The following SLC25A21 variants were observed in gnomAD, a reference collection of about 807,000 sequenced individuals.
The protein encoded by SLC25A21 is solute carrier family 25 member 21.
SLC25A21 carries 47 observed loss-of-function variants against 43.8 expected under a neutral mutation model. The ratio of observed to expected loss-of-function variants is 1.07; its 90% confidence interval spans 0.85 to 1.37. The LOEUF (loss-of-function observed/expected upper bound fraction) is 1.37, where lower values mean the gene tolerates loss of function less well. Ranked by LOEUF, SLC25A21 falls within the 40% of genes most tolerant of loss-of-function variation. The pLI is 0.00. For missense variants in SLC25A21, 352 were observed against 350.2 expected (o/e 1.00, Z -0.04); for synonymous variants, 131 against 121.3 (o/e 1.08, Z -0.52).
At chr14:37,099,239 A>C (rs1431369262) in intron 1 of SLC25A21, among the ~76,000 whole-genome samples, 1 of 152,048 alleles carries the variant, frequency 6.6e-6, no homozygotes, top group Admixed American at 6.6e-5. Context: ...CCCAGGGAGC[A>C]TTTCTCAGCC....
intron 2 of SLC25A21, among the ~76,000 whole-genome samples, chr14:36,857,421 A>G (rs1186832579): frequency 6.6e-6 from 1 of 152,184 alleles, no homozygotes; most frequent in Non-Finnish European, 1.5e-5. Flanking sequence ...ATTTGTTTTT[A>G]TGAGCTCTCA....
intron 1 of SLC25A21, among the ~76,000 whole-genome samples, chr14:36,925,290 T>C (rs1017567515): frequency 1.4e-4 from 22 of 152,260 alleles, no homozygotes; most frequent in African/African-American, 4.6e-4. Context: ...ATGGCAGTGG[T>C]TGTCCAATTA....
intron 1 of SLC25A21, among the ~76,000 whole-genome samples, chr14:37,156,023 G>C (rs1339568719): frequency 1.3e-5 from 2 of 152,018 alleles, no homozygotes; most frequent in African/African-American, 4.8e-5. Context: ...GCTGAGCATG[G>C]TGGTGCATGT....
At chr14:36,990,355 C>T (rs1467053574) in intron 1 of SLC25A21, among the ~76,000 whole-genome samples, 3 of 152,124 alleles carry the variant, frequency 2.0e-5, no homozygotes, top group African/African-American at 7.2e-5. Context: ...TGCAGATATT[C>T]ATTGATTACA....
intron 2 of SLC25A21, among the ~76,000 whole-genome samples, chr14:36,846,298 T>A (rs2138507382): frequency 6.6e-6 from 1 of 152,294 alleles, no homozygotes; most frequent in South Asian, 2.1e-4. Flanking sequence ...CGTATTGATA[T>A]CCCTGATCCA....
intron 7 of SLC25A21, among the ~76,000 whole-genome samples, chr14:36,708,349 T>C (rs1883666516): frequency 1.3e-5 from 2 of 152,360 alleles, no homozygotes; most frequent in Admixed American, 6.5e-5. Flanking sequence ...ATAATCTAGA[T>C]GTGGGAAGTG....
chr14:36,694,374 T>C (rs1170341699), intron 7 of SLC25A21, among the ~76,000 whole-genome samples: 2 of 152,166 alleles, frequency 1.3e-5, no homozygotes, highest in East Asian at 1.9e-4. Flanking sequence ...AATAAACATA[T>C]GTGTGCATGT....
intron 1 of SLC25A21, among the ~76,000 whole-genome samples, chr14:37,121,256 T>G (rs1187982153): frequency 6.6e-6 from 1 of 152,168 alleles, no homozygotes; most frequent in African/African-American, 2.4e-5. Context: ...TACATCCAGT[T>G]ATTTGGTCCT....
chr14:37,124,352 A>T (rs1351230407), intron 1 of SLC25A21, among the ~76,000 whole-genome samples: 3 of 152,144 alleles, frequency 2.0e-5, no homozygotes, highest in African/African-American at 7.2e-5. Flanking sequence ...TAAACAGAAT[A>T]TTCTATTTCA....
chr14:36,731,215 C>A (rs1248027787), intron 4 of SLC25A21, among the ~76,000 whole-genome samples: 1 of 152,126 alleles, frequency 6.6e-6, no homozygotes. Context: ...CCTCGTGATC[C>A]GACCGCCTCG....
chr14:36,830,485 G>T (rs1332279708), intron 2 of SLC25A21, among the ~76,000 whole-genome samples: 1 of 151,200 alleles, frequency 6.6e-6, no homozygotes, highest in Non-Finnish European at 1.5e-5. Context: ...TCTAATTATT[G>T]TTTCCTACTA....
intron 1 of SLC25A21, among the ~76,000 whole-genome samples, chr14:37,118,026 C>T (rs1278975712): frequency 6.6e-6 from 1 of 151,820 alleles, no homozygotes; most frequent in East Asian, 1.9e-4. Flanking sequence ...TGATAATAGC[C>T]CTCCCCAGAA....
At chr14:37,047,266 G>A (rs1186092433) in intron 1 of SLC25A21, among the ~76,000 whole-genome samples, 1 of 152,190 alleles carries the variant, frequency 6.6e-6, no homozygotes, top group East Asian at 1.9e-4. Flanking sequence ...TGGACTGGGT[G>A]TCAAGTCCAG....
intron 1 of SLC25A21, among the ~76,000 whole-genome samples, chr14:36,921,602 C>T (rs1490613491): frequency 6.6e-6 from 1 of 152,018 alleles, no homozygotes; most frequent in Non-Finnish European, 1.5e-5. Flanking sequence ...AGTATGATTC[C>T]ATTTCAATAA....
At chr14:37,110,469 A>T (rs1001206279) in intron 1 of SLC25A21, among the ~76,000 whole-genome samples, 1 of 152,192 alleles carries the variant, frequency 6.6e-6, no homozygotes, top group Admixed American at 6.6e-5. Context: ...GAATCTTTGT[A>T]TTCTTTGATT....
chr14:37,141,509 A>AG lies in SLC25A21; in HGVS notation c.70+30771_70+30772insC, dbSNP rs149713249. 1.6e-4 allele frequency among the ~76,000 whole-genome samples: 22 copies of AG among 141,834 alleles called. 1 individual carries two copies. Among genetic ancestry groups the AG allele is most frequent in the African/African-American group, 5.8e-4 (22 of 37,988 alleles). 93.0% of individuals were successfully genotyped at this position (141,834 alleles called of 152,430 possible). ...ATTTCTTTCAATTAACTGCGTTTTTAAAAAAAAAACTGAAATATAAAAATA... is the reference window on the plus strand; with the variant it reads ...ATTTCTTTCAATTAACTGCGTTTTTAGAAAAAAAAACTGAAATATAAAAATA... On this transcript the variant is annotated intron_variant, in intron 1 of 9. Coordinates refer to ENST00000331299, the MANE Select transcript of SLC25A21 (RefSeq NM_030631.4).
At chr14:36,746,098 C>T (rs1885485167) in intron 3 of SLC25A21, among the ~76,000 whole-genome samples, 2 of 152,140 alleles carry the variant, frequency 1.3e-5, no homozygotes, top group African/African-American at 4.8e-5. Context: ...AATCCCACTA[C>T]TGGGTATCTA....
At chr14:36,894,290 T>C (rs948760398) in intron 1 of SLC25A21, among the ~76,000 whole-genome samples, 6 of 152,204 alleles carry the variant, frequency 3.9e-5, no homozygotes, top group African/African-American at 1.4e-4. Flanking sequence ...TATTTTATTC[T>C]CTTTGAAGCA....
intron 1 of SLC25A21, among the ~76,000 whole-genome samples, chr14:36,916,840 C>T (rs1891846296): frequency 6.6e-6 from 1 of 152,042 alleles, no homozygotes; most frequent in Non-Finnish European, 1.5e-5. Context: ...TCCATCTGAC[C>T]AGAATAGAGT....
Sources: allele counts gnomAD v4.1 joint callset (sites outside exome capture counted in the v4.1 genomes callset), GRCh38; gene constraint gnomAD v4.1.1; transcripts MANE v1.5; gene names NCBI Gene and HGNC (gene_info 2026-07-23, HGNC 2026-07-21).